ACTR3C: variants seen among roughly 807,000 people sequenced by gnomAD.
ACTR3C encodes actin-related protein 3C.
Under a neutral mutation model 26.3 loss-of-function variants are expected in ACTR3C, and 18 were observed. The ratio of observed to expected loss-of-function variants is 0.68; its 90% CI spans 0.47 to 1.01. ACTR3C has a LOEUF of 1.01. Ranked by LOEUF, ACTR3C falls within the 50% of genes least tolerant of loss-of-function variation. The pLI, the probability that ACTR3C is intolerant of heterozygous loss-of-function variation, is 0.00. For missense variants in ACTR3C, 184 were observed against 250.7 expected (o/e 0.73, Z 1.80); for synonymous variants, 55 against 94.5 (o/e 0.58, Z 2.42).
the ACTR3C span, among the ~76,000 whole-genome samples, chr7:150,137,471 C>T: frequency 7.9e-5 from 12 of 152,210 alleles, no homozygotes; most frequent in African/African-American, 1.2e-4. Flanking sequence ...AACTCCCCTA[C>T]CCTTGGACTT....
chr7:150,220,006 G>A, the ACTR3C span, among the ~76,000 whole-genome samples: 2 of 146,908 alleles, frequency 1.4e-5, no homozygotes, highest in Non-Finnish European at 2.9e-5. Context: ...GCCGGCGGGA[G>A]CGGATGCACG....
At chr7:150,255,486 G>A (rs945266040) in intron 6 of ACTR3C, among the ~76,000 whole-genome samples, 2 of 151,874 alleles carry the variant, frequency 1.3e-5, no homozygotes, top group African/African-American at 4.9e-5. Flanking sequence ...TACCTAGTCA[G>A]ATGAATATAA....
the ACTR3C span, among the ~76,000 whole-genome samples, chr7:150,235,765 G>T: frequency 1.3e-5 from 2 of 151,970 alleles, no homozygotes; most frequent in South Asian, 4.2e-4. Context: ...GAAAAGAATG[G>T]ATATCTGAGA....
chr7:150,014,477 A>G, the ACTR3C span, among the ~76,000 whole-genome samples: 1 of 150,946 alleles, frequency 6.6e-6, no homozygotes, highest in East Asian at 1.9e-4. Flanking sequence ...AAAAAAAGAA[A>G]GAAAAAGAAA....
the ACTR3C span, among the ~76,000 whole-genome samples, chr7:149,936,581 G>C: frequency 6.6e-6 from 1 of 152,162 alleles, no homozygotes; most frequent in South Asian, 2.1e-4. Context: ...TGTACTGAAT[G>C]GCCTGCAGTG....
chr7:149,912,842 C>T, the ACTR3C span, among the ~76,000 whole-genome samples: 2 of 151,910 alleles, frequency 1.3e-5, no homozygotes, highest in African/African-American at 2.4e-5. Flanking sequence ...AGATCATTAC[C>T]CTCCTAGCAG....
chr7:150,051,783 T>C, the ACTR3C span, among the ~76,000 whole-genome samples: 1 of 151,194 alleles, frequency 6.6e-6, no homozygotes, highest in African/African-American at 2.4e-5. Flanking sequence ...AGGCAGATGC[T>C]GCAAAATATG....
chr7:149,948,537 T>A, the ACTR3C span, among the ~76,000 whole-genome samples: 1 of 150,900 alleles, frequency 6.6e-6, no homozygotes, highest in Non-Finnish European at 1.5e-5. Context: ...ACCCTCTCCA[T>A]CCCAGCCCTC....
the ACTR3C span, among the ~76,000 whole-genome samples, chr7:150,043,338 ACC>A: frequency 6.6e-6 from 1 of 150,548 alleles, no homozygotes; most frequent in African/African-American, 2.5e-5. Flanking sequence ...GTGTCTCCCC[ACC>A]CTGTGATGGG....
chr7:150,200,227 G>A, the ACTR3C span, among the ~76,000 whole-genome samples: 5 of 152,136 alleles, frequency 3.3e-5, no homozygotes, highest in African/African-American at 4.8e-5. Context: ...TCAGTTTGGT[G>A]TTAGAATTAA....
chr7:150,299,797 A>T (rs1190885737), intron 1 of ACTR3C, among the ~76,000 whole-genome samples: 1 of 151,838 alleles, frequency 6.6e-6, no homozygotes, highest in East Asian at 1.9e-4. Flanking sequence ...AAAACAAAAA[A>T]CAAGGTCGGG....
the ACTR3C span, among the ~76,000 whole-genome samples, chr7:150,097,261 T>C: frequency 6.6e-6 from 1 of 151,804 alleles, no homozygotes; most frequent in African/African-American, 2.4e-5. Context: ...ATTGTGAGCC[T>C]GGCTAAACTG....
At chr7:150,039,239 AC>A in the ACTR3C span, among the ~76,000 whole-genome samples, 342 of 146,700 alleles carry the variant, frequency 2.3e-3, no homozygotes, top group Non-Finnish European at 3.8e-3. Flanking sequence ...CAGTGGGGGA[AC>A]CAGGGGCTGG....
chr7:150,283,840 G>C (rs1480022933), intron 6 of ACTR3C, among the ~76,000 whole-genome samples: 1 of 149,976 alleles, frequency 6.7e-6, no homozygotes, highest in Admixed American at 6.6e-5. Context: ...AGCTGACGGC[G>C]CGACTCACTC....
At chr7:150,037,150 G>T in the ACTR3C span, among the ~76,000 whole-genome samples, 1 of 65,352 alleles carries the variant, frequency 1.5e-5, no homozygotes, top group Non-Finnish European at 3.5e-5. Flanking sequence ...CTCGTGGGGG[G>T]TGCCTCCCCC....
At chr7:149,968,357 C>A in the ACTR3C span, among the ~76,000 whole-genome samples, 2 of 152,230 alleles carry the variant, frequency 1.3e-5, no homozygotes, top group South Asian at 4.1e-4. Context: ...CATGGTGAAA[C>A]CCCGTCTCTA....
At chr7:150,118,951 A>AC in the ACTR3C span, among the ~76,000 whole-genome samples, 2 of 151,616 alleles carry the variant, frequency 1.3e-5, no homozygotes, top group African/African-American at 4.9e-5. Flanking sequence ...AAAAAAAAAA[A>AC]AAAACTCAAC....
At chr7:149,919,923 C>G in the ACTR3C span, among the ~76,000 whole-genome samples, 2 of 120,282 alleles carry the variant, frequency 1.7e-5, 1 homozygote, top group South Asian at 7.0e-4. Context: ...TGGTATCTCC[C>G]ACTCCCCAGC....
the ACTR3C span, among the ~76,000 whole-genome samples, chr7:149,936,971 G>C: frequency 6.6e-6 from 1 of 151,506 alleles, no homozygotes; most frequent in Non-Finnish European, 1.5e-5. Flanking sequence ...CTGATTTTTG[G>C]TAGAGACGAG....
Sources: allele counts gnomAD v4.1 joint callset (sites outside exome capture counted in the v4.1 genomes callset), GRCh38; gene constraint gnomAD v4.1.1; transcripts MANE v1.5; gene names NCBI Gene and HGNC (gene_info 2026-07-23, HGNC 2026-07-21).